RAD51AP1: variants seen among roughly 807,000 people sequenced by gnomAD.
RAD51AP1 encodes RAD51-associated protein 1.
RAD51AP1 carries 14 observed loss-of-function variants against 34.3 expected under a neutral mutation model. The observed-to-expected ratio is 0.41, with a 90% CI of 0.27 to 0.64. RAD51AP1 has a LOEUF of 0.64. RAD51AP1 is among the 30% of genes least tolerant of loss of function. RAD51AP1 has a pLI of 0.33. For missense variants in RAD51AP1, 348 were observed against 386.9 expected (o/e 0.90, Z 0.84); for synonymous variants, 114 against 129.8 (o/e 0.88, Z 0.83).
chr12:4,543,255 T>TTC (rs1428684398), intron 2 of RAD51AP1, among the ~76,000 whole-genome samples: 2 of 152,172 alleles, frequency 1.3e-5, no homozygotes, highest in African/African-American at 4.8e-5. Context: ...GAGACAGGGT[T>TTC]TCACCACTTT....
chr12:4,555,028 A>G lies in RAD51AP1; in HGVS notation c.722-1325A>G, dbSNP rs537767203. On this transcript the variant is annotated intron_variant, in intron 7 of 8. Coordinates refer to ENST00000352618, the MANE Select transcript of RAD51AP1 (RefSeq NM_006479.5). ...CATTTCTATAATCACAGAAAGTTCC[A>G]TCAGACAGTGCTGATCTAGAGGATG... Among the ~76,000 whole-genome samples the G allele has an allele frequency of 8.5e-5, 13 of 152,344 alleles. No individual in the cohort carries two copies. In the East Asian group the frequency reaches 2.5e-3, roughly 29 times the overall value.
Position 4,538,908 on chromosome 12 carries a change from A to T in RAD51AP1, c.-32A>T, listed in dbSNP as rs12828064. The T allele has an allele frequency of 0.013, 20,626 of 1,612,888 alleles. 169 individuals are homozygous for T. The highest frequency in any genetic ancestry group is 0.016 in the Non-Finnish European group (18,691 of 1,179,012). On this transcript the variant is annotated 5_prime_UTR_variant, in exon 1 of 9. Transcript: ENST00000352618. The stretch of plus-strand genomic sequence containing the variant: ...CGCCGCTGAAGCCAACAAGAATTTG[A>T]GAACTGTAAATACCAAGCCTTGAAA...
At chr12:4,550,317 T>G (rs542197609) in intron 6 of RAD51AP1, among the ~76,000 whole-genome samples, 2 of 152,372 alleles carry the variant, frequency 1.3e-5, no homozygotes, top group East Asian at 1.9e-4. Flanking sequence ...TCCTTCAGAC[T>G]TCTAAGTTAC....
At chr12:4,542,327 G>C (rs1182742488) in intron 2 of RAD51AP1, among the ~76,000 whole-genome samples, 1 of 152,168 alleles carries the variant, frequency 6.6e-6, no homozygotes, top group East Asian at 1.9e-4. Context: ...TTAGGCTTAT[G>C]TTATGCCTTT....
At chr12:4,551,564 T>G (rs1376986790) in intron 6 of RAD51AP1, among the ~76,000 whole-genome samples, 1 of 151,016 alleles carries the variant, frequency 6.6e-6, no homozygotes, top group Non-Finnish European at 1.5e-5. Context: ...AATCCAGAAT[T>G]TAGGACATTC....
intron 8 of RAD51AP1, among the ~76,000 whole-genome samples, chr12:4,557,590 A>T (rs976745955): frequency 6.6e-6 from 1 of 152,218 alleles, no homozygotes; most frequent in Non-Finnish European, 1.5e-5. Context: ...AAAATAATTA[A>T]TGCTTCCCCA....
Position 4,559,043 on chromosome 12 carries a change from G to C in RAD51AP1, c.*50G>C, listed in dbSNP as rs747339418. The C allele has an allele frequency of 6.3e-7, 1 of 1,586,102 alleles. No homozygotes were observed. Among genetic ancestry groups the C allele is most frequent in the Non-Finnish European group, 8.6e-7 (1 of 1,159,674 alleles). ...TTGGGAGAATCACAGCTTTACAAGG[G>C]TGTTTATATTTGATTTGTGTTTATA... On this transcript the variant is annotated 3_prime_UTR_variant, in exon 9 of 9. Transcript: ENST00000352618.
chr12:4,552,968 A>G lies in RAD51AP1; in HGVS notation c.557-15A>G. ...TTTTTAGAGCAAAGATGAACTATATAATCTTCTGTTTTAGGTGAAGATTCT... is the reference window on the plus strand; with the variant it reads ...TTTTTAGAGCAAAGATGAACTATATGATCTTCTGTTTTAGGTGAAGATTCT... On this transcript the variant is annotated splice_polypyrimidine_tract_variant and intron_variant, in intron 6 of 8. Coordinates refer to ENST00000352618, the MANE Select transcript of RAD51AP1 (RefSeq NM_006479.5). The G allele has an allele frequency of 1.3e-6, 2 of 1,555,928 alleles. No homozygotes were observed. Among genetic ancestry groups the G allele is most frequent in the South Asian group, 2.5e-5 (2 of 81,258 alleles).
At chr12:4,546,755 C>T (rs1944509350) in intron 4 of RAD51AP1, among the ~76,000 whole-genome samples, 1 of 152,110 alleles carries the variant, frequency 6.6e-6, no homozygotes. Context: ...CCATTTTTTC[C>T]AGATCAGTTA....
chr12:4,559,792 C>T lies in RAD51AP1; in HGVS notation c.*799C>T, dbSNP rs1173605635. 2 of 151,980 alleles carry T rather than the reference C, an allele frequency of 1.3e-5. No individual in the cohort carries two copies. The highest frequency in any genetic ancestry group is 1.3e-4 in the Admixed American group (2 of 15,252). The allele number at this position is 151,980 out of a possible 1,614,324, so 9.4% of individuals were successfully genotyped here. A position where few individuals can be genotyped will look rare whatever the true frequency, so the allele number is the denominator to read the frequency against. On this transcript the variant is annotated 3_prime_UTR_variant, in exon 9 of 9. Transcript: ENST00000352618. The stretch of plus-strand genomic sequence containing the variant: ...AGTAGTTGTCAAGTACTTAGTCATC[C>T]CTATTATGATATGAGATAGTACAGC...
chr12:4,553,187 G>A (rs752766711), intron 7 of RAD51AP1, 40 bp downstream of exon 7: 3 of 1,417,700 alleles, frequency 2.1e-6, no homozygotes, highest in Admixed American at 5.3e-5. Flanking sequence ...TAAAGGAAAT[G>A]TATGTGGTTT....
intron 4 of RAD51AP1, among the ~76,000 whole-genome samples, chr12:4,546,674 ATGT>A (rs1303819739): frequency 6.6e-6 from 1 of 152,190 alleles, no homozygotes; most frequent in Non-Finnish European, 1.5e-5. Context: ...TTCGAATTAT[ATGT>A]TGTTGTACAG....
chr12:4,556,620 C>T, intron 8 of RAD51AP1, 118 bp downstream of exon 8: 3 of 1,180,262 alleles, frequency 2.5e-6, no homozygotes, highest in Admixed American at 2.6e-5. Flanking sequence ...TTCTTCAAAA[C>T]CAAAGTTCCT....
chr12:4,540,769 G>A (rs1944460915), intron 1 of RAD51AP1, among the ~76,000 whole-genome samples: 2 of 152,138 alleles, frequency 1.3e-5, no homozygotes, highest in Non-Finnish European at 2.9e-5. Flanking sequence ...TAATATGAGT[G>A]CACTTTTTAA....
chr12:4,551,957 A>G (rs1944550282), intron 6 of RAD51AP1, among the ~76,000 whole-genome samples: 1 of 152,182 alleles, frequency 6.6e-6, no homozygotes, highest in Non-Finnish European at 1.5e-5. Flanking sequence ...TGTATTTTAC[A>G]TATAATATTT....
rs1944607360 is a variant in RAD51AP1, at chr12:4,559,646, C to T, written c.*653C>T. 6.6e-6 allele frequency: 1 copy of T among 152,180 alleles called. No homozygotes were observed. The highest frequency in any genetic ancestry group is 2.1e-4 in the South Asian group (1 of 4,832). The allele number at this position is 152,180 out of a possible 1,614,324, so 9.4% of individuals were successfully genotyped here. ...TGAAATGCCCTTTTTCTTGATACCA[C>T]TCATCCACGTGTTCCTGATTGTCCA... On this transcript the variant is annotated 3_prime_UTR_variant, in exon 9 of 9. Coordinates refer to ENST00000352618, the MANE Select transcript of RAD51AP1 (RefSeq NM_006479.5).
At chr12:4,556,627 TC>T in intron 8 of RAD51AP1, 125 bp downstream of exon 8, 1 of 1,078,244 alleles carries the variant, frequency 9.3e-7, no homozygotes, top group East Asian at 2.6e-5. Flanking sequence ...AAACCAAAGT[TC>T]CTGGTTGCTG....
intron 3 of RAD51AP1, 79 bp downstream of exon 3, chr12:4,543,983 T>A: frequency 8.1e-7 from 1 of 1,239,614 alleles, no homozygotes; most frequent in Non-Finnish European, 1.1e-6. Context: ...ACCCTTGATT[T>A]AAATTAGAAC....
chr12:4,553,381 G>A (rs930372023), intron 7 of RAD51AP1: 4 of 243,668 alleles, frequency 1.6e-5, no homozygotes, highest in Admixed American at 5.7e-5. Context: ...CATGGCTGCC[G>A]TCTGTGGTTA....
Sources: gnomAD v4.1 joint callset for allele counts (sites outside exome capture counted in the v4.1 genomes callset) on GRCh38, gnomAD v4.1.1 for gene constraint, MANE v1.5 for transcripts, NCBI Gene and HGNC (gene_info 2026-07-23, HGNC 2026-07-21) for gene names.